The following PLA2G4A variants were observed in gnomAD, a reference collection of about 807,000 sequenced individuals.
The protein encoded by PLA2G4A is phospholipase A2 group IVA.
In PLA2G4A, 40 loss-of-function variants were observed where a neutral mutation model predicts 81.9. The observed-to-expected ratio is 0.49, with a 90% CI of 0.38 to 0.64. The LOEUF is 0.64. Ranked by LOEUF, PLA2G4A falls within the 30% of genes least tolerant of loss-of-function variation. The probability of loss-of-function intolerance (pLI) is 0.00; values close to 1 mark genes in which losing one functional copy is unlikely to be tolerated. For missense variants in PLA2G4A, 715 were observed against 905.1 expected (o/e 0.79, Z 2.69); for synonymous variants, 302 against 296.9 (o/e 1.02, Z -0.18).
intron 2 of PLA2G4A, among the ~76,000 whole-genome samples, chr1:186,858,853 A>T (rs1191631825): frequency 6.6e-6 from 1 of 151,920 alleles, no homozygotes; most frequent in Non-Finnish European, 1.5e-5. Flanking sequence ...TGAGCTTTAC[A>T]GTTTTCTTTA....
At chr1:186,965,622 C>A (rs547295995) in intron 15 of PLA2G4A, 29 bp downstream of exon 15, 10 of 1,471,288 alleles carry the variant, frequency 6.8e-6, no homozygotes, top group Non-Finnish European at 9.5e-6. Context: ...GCATTCCATT[C>A]TCTACCACAT....
rs1198091693 is a variant in PLA2G4A at position 186,939,138 on chromosome 1, G to A, written c.826G>A (p.Val276Ile). ...CACACCACAGAAAGTTAAAAGATATGTTGAGTCTTTATGGAAGAAGAAAAG... is the reference window on the plus strand; with the variant it reads ...CACACCACAGAAAGTTAAAAGATATATTGAGTCTTTATGGAAGAAGAAAAG... Reference protein sequence around the residue: ...LLTPQKVKRYVESLWKKKSSG... With the variant: ...LLTPQKVKRYIESLWKKKSSG... Residue 276 changes from valine to isoleucine, a missense_variant, in exon 9 of 18, where the codon GTT becomes ATT. Val to Ile is a conservative substitution (Grantham distance 29). Coordinates refer to ENST00000367466, the MANE Select transcript of PLA2G4A (RefSeq NM_024420.3). 6.2e-7 allele frequency: 1 copy of A among 1,609,358 alleles called. No homozygotes were observed. The highest frequency in any genetic ancestry group is 1.1e-5 in the South Asian group (1 of 91,006).
chr1:186,857,048 A>C (rs984573788), intron 2 of PLA2G4A, among the ~76,000 whole-genome samples: 1 of 22,858 alleles, frequency 4.4e-5, no homozygotes, highest in African/African-American at 2.6e-4. Flanking sequence ...CAGCCCCCAC[A>C]TGTGTCTGCC....
At chr1:186,878,681 G>A (rs1442079355) in intron 3 of PLA2G4A, among the ~76,000 whole-genome samples, 1 of 151,702 alleles carries the variant, frequency 6.6e-6, no homozygotes, top group Admixed American at 6.6e-5. Context: ...TTGTTAAGTG[G>A]TTTTATGAAT....
intron 12 of PLA2G4A, among the ~76,000 whole-genome samples, chr1:186,950,195 T>C (rs1160395201): frequency 1.3e-5 from 2 of 152,222 alleles, no homozygotes; most frequent in Non-Finnish European, 2.9e-5. Context: ...TTTTCAATAT[T>C]ATTGAAAGTC....
chr1:186,967,624 C>T (rs1039639406), intron 15 of PLA2G4A, among the ~76,000 whole-genome samples: 1 of 152,054 alleles, frequency 6.6e-6, no homozygotes, highest in Non-Finnish European at 1.5e-5. Context: ...CATAAGTTTA[C>T]ATAAGTATGT....
At chr1:186,936,002 G>A (rs72709881) in intron 8 of PLA2G4A, among the ~76,000 whole-genome samples, 31,931 of 151,648 alleles carry the variant, frequency 0.21, 3,903 homozygotes, top group Admixed American at 0.33. Flanking sequence ...CTGGAGACCC[G>A]AAATGAGTGA....
chr1:186,905,210 G>C (rs1654691968), intron 5 of PLA2G4A, among the ~76,000 whole-genome samples: 1 of 152,160 alleles, frequency 6.6e-6, no homozygotes, highest in South Asian at 2.1e-4. Context: ...TGGGAAACCA[G>C]CATTTTCTTG....
At position 186,974,800 on chromosome 1, in the gene PLA2G4A, TAC is replaced by T. The variant is rs199959094; in HGVS notation, c.1765-2791_1765-2790del. Among the ~76,000 whole-genome samples the T allele has an allele frequency of 3.7e-4, 56 of 152,368 alleles. No homozygotes were observed. In the East Asian group the frequency reaches 0.011, roughly 29 times the overall value. The stretch of plus-strand genomic sequence containing the variant: ...GTCTGTGTCATTGTTTCTCAGCTTT[TAC>T]AGAGAGAAACCAGACATCAGAGAGG... On this transcript the variant is annotated intron_variant, in intron 15 of 17. Transcript: ENST00000367466.
At chr1:186,871,230 A>G (rs1359070287) in intron 3 of PLA2G4A, among the ~76,000 whole-genome samples, 1 of 152,176 alleles carries the variant, frequency 6.6e-6, no homozygotes, top group African/African-American at 2.4e-5. Context: ...ACTTGTTGAC[A>G]GTATCTTTCT....
intron 1 of PLA2G4A, among the ~76,000 whole-genome samples, chr1:186,851,557 A>C (rs188068562): frequency 6.6e-6 from 1 of 152,178 alleles, no homozygotes; most frequent in East Asian, 1.9e-4. Context: ...GCACGAAAAC[A>C]TCAGCCATAC....
chr1:186,974,276 A>G (rs1657457013), intron 15 of PLA2G4A, among the ~76,000 whole-genome samples: 1 of 152,056 alleles, frequency 6.6e-6, no homozygotes, highest in Non-Finnish European at 1.5e-5. Context: ...GTGGTGTTTC[A>G]GTACTCAAAA....
chr1:186,835,207 T>C (rs924914739), intron 1 of PLA2G4A, among the ~76,000 whole-genome samples: 1 of 152,162 alleles, frequency 6.6e-6, no homozygotes, highest in Non-Finnish European at 1.5e-5. Context: ...ATAAGCAAGT[T>C]AAATGCAGTA....
At chr1:186,983,009 G>A (rs1222000906) in intron 17 of PLA2G4A, among the ~76,000 whole-genome samples, 3 of 151,410 alleles carry the variant, frequency 2.0e-5, no homozygotes, top group Admixed American at 2.0e-4. Context: ...GTGTGAACCA[G>A]GGAGGTGGAG....
intron 5 of PLA2G4A, among the ~76,000 whole-genome samples, chr1:186,904,501 T>C (rs554129411): frequency 2.6e-5 from 4 of 152,340 alleles, no homozygotes; most frequent in Middle Eastern, 3.4e-3. Flanking sequence ...TTATCATGCA[T>C]AGCATGTCTG....
At chr1:186,933,508 C>T (rs1402083782) in intron 8 of PLA2G4A, among the ~76,000 whole-genome samples, 1 of 152,044 alleles carries the variant, frequency 6.6e-6, no homozygotes, top group Non-Finnish European at 1.5e-5. Context: ...ATTTATAAAA[C>T]ATTTTCCAAG....
chr1:186,887,408 C>T (rs1307482581), intron 3 of PLA2G4A, among the ~76,000 whole-genome samples: 1 of 152,098 alleles, frequency 6.6e-6, no homozygotes, highest in South Asian at 2.1e-4. Context: ...GGCAGGCGCT[C>T]CTTAAACTCC....
chr1:186,861,973 T>A (rs1049253585), intron 2 of PLA2G4A, among the ~76,000 whole-genome samples: 1 of 149,200 alleles, frequency 6.7e-6, no homozygotes, highest in African/African-American at 2.4e-5. Flanking sequence ...AATAATATAT[T>A]TAATTTATAT....
intron 1 of PLA2G4A, among the ~76,000 whole-genome samples, chr1:186,835,471 A>C (rs1220177583): frequency 6.6e-6 from 1 of 152,214 alleles, no homozygotes; most frequent in Non-Finnish European, 1.5e-5. Context: ...ATCAGGGAAA[A>C]GTGTCTAAAG....
Sources: gnomAD v4.1 joint callset for allele counts (sites outside exome capture counted in the v4.1 genomes callset) on GRCh38, gnomAD v4.1.1 for gene constraint, MANE v1.5 for transcripts, NCBI Gene and HGNC (gene_info 2026-07-23, HGNC 2026-07-21) for gene names.